The following KIF24 variants were observed in gnomAD, a reference collection of about 807,000 sequenced individuals.
KIF24 encodes the protein kinesin-like protein KIF24.
A neutral mutation model predicts 118.9 loss-of-function variants in KIF24; 81 were observed. That is an observed-to-expected ratio of 0.68 (90% CI 0.57 to 0.82). The LOEUF (loss-of-function observed/expected upper bound fraction) is 0.82, where lower values mean the gene tolerates loss of function less well. KIF24 is among the 40% of genes least tolerant of loss of function. The probability of loss-of-function intolerance (pLI) is 0.00; values close to 1 mark genes in which losing one functional copy is unlikely to be tolerated. For missense variants in KIF24, 1,560 were observed against 1,661.6 expected (o/e 0.94, Z 1.06); for synonymous variants, 599 against 610.0 (o/e 0.98, Z 0.27).
At chr9:34,279,022 T>C (rs1357272091) in intron 6 of KIF24, among the ~76,000 whole-genome samples, 1 of 152,154 alleles carries the variant, frequency 6.6e-6, no homozygotes, top group Admixed American at 6.5e-5. Flanking sequence ...GAGGATCGCT[T>C]GAGCCCAGAA....
At chr9:34,271,757 G>A (rs1835517159) in intron 7 of KIF24, 52 bp downstream of exon 7, 1 of 1,596,780 alleles carries the variant, frequency 6.3e-7, no homozygotes, top group Non-Finnish European at 8.6e-7. Flanking sequence ...ATACTTCAAA[G>A]TCACATTAAA....
At chr9:34,281,121 G>A (rs534202263) in intron 6 of KIF24, among the ~76,000 whole-genome samples, 1 of 152,248 alleles carries the variant, frequency 6.6e-6, no homozygotes, top group Non-Finnish European at 1.5e-5. Context: ...TGCCTTCCGG[G>A]CTCAAGCAAT....
At position 34,318,293 on chromosome 9, in the gene KIF24, G is replaced by A. The variant is rs542417948; in HGVS notation, c.-25-6922C>T. ...CTATAGAAGAGTAGAATCGTGTCGCGGCTCGAGAGCGAGACTCCCGTCTTG... is the reference window on the plus strand; with the variant it reads ...CTATAGAAGAGTAGAATCGTGTCGCAGCTCGAGAGCGAGACTCCCGTCTTG... On this transcript the variant is annotated intron_variant, in intron 1 of 12. Coordinates refer to ENST00000402558, the MANE Select transcript of KIF24 (RefSeq NM_194313.4). This position sits in a 1 kb window ranked among gnomAD's most constrained non-coding sequence, Gnocchi z 4.9. 469 of 553,450 alleles carry A rather than the reference G, an allele frequency of 8.5e-4. 2 individuals are homozygous for A. The highest frequency in any genetic ancestry group is 7.2e-3 in the African/African-American group (378 of 52,686). 34.3% of individuals were successfully genotyped at this position (553,450 alleles called of 1,614,324 possible). A position where few individuals can be genotyped will look rare whatever the true frequency, so the allele number is the denominator to read the frequency against.
chr9:34,324,327 G>C (rs372170763), intron 1 of KIF24, among the ~76,000 whole-genome samples: 1 of 152,092 alleles, frequency 6.6e-6, no homozygotes, highest in Non-Finnish European at 1.5e-5. Context: ...TCTTTGGAAG[G>C]GGGGTGAAAA....
chr9:34,283,520 T>G (rs1335078131), intron 6 of KIF24, among the ~76,000 whole-genome samples: 1 of 152,078 alleles, frequency 6.6e-6, no homozygotes, highest in South Asian at 2.1e-4. Context: ...AAAATAATAA[T>G]AATACCCACA....
In KIF24 at chr9:34,256,853, G is replaced by A. The variant is rs1212987751; in HGVS notation, c.2754C>T (p.Asp918=). 6.2e-7 allele frequency: 1 copy of A among 1,613,984 alleles called. No homozygotes were observed. Among genetic ancestry groups the A allele is most frequent in the Non-Finnish European group, 8.5e-7 (1 of 1,179,898 alleles). ...AGGAAGTAGAGTTCTCTCTGCTCCA[G>A]TCCACGGGCCCCTTACTTGGGCTGC... ...HSCSPSKGPV[D]WSRENSTSSG... The change falls in exon 11 of 13, where the codon GAC becomes GAT. Residue 918 remains aspartate, a synonymous_variant. Coordinates refer to ENST00000402558, the MANE Select transcript of KIF24 (RefSeq NM_194313.4).
intron 1 of KIF24, among the ~76,000 whole-genome samples, chr9:34,323,341 G>C (rs1241791072): frequency 1.3e-5 from 2 of 152,164 alleles, no homozygotes; most frequent in Non-Finnish European, 2.9e-5. Context: ...GCCCCACAAA[G>C]AGTTTACTAC....
At chr9:34,280,602 A>G (rs959316708) in intron 6 of KIF24, among the ~76,000 whole-genome samples, 1 of 152,140 alleles carries the variant, frequency 6.6e-6, no homozygotes, top group African/African-American at 2.4e-5. Context: ...GAGAATGGTC[A>G]CAGCCCCAGG....
chr9:34,316,462 G>C (rs558395506), intron 1 of KIF24, among the ~76,000 whole-genome samples: 2 of 151,908 alleles, frequency 1.3e-5, no homozygotes, highest in African/African-American at 2.4e-5. Flanking sequence ...AATTCTTTAC[G>C]AGTCCCATCA....
chr9:34,317,986 AT>A (rs962044941), intron 1 of KIF24, among the ~76,000 whole-genome samples: 15 of 152,022 alleles, frequency 9.9e-5, no homozygotes, highest in East Asian at 1.9e-4. Context: ...TAAAATCTTA[AT>A]TTTTTTTAAT....
chr9:34,255,197 C>T, intron 11 of KIF24, 32 bp from the exon 12 acceptor site: 1 of 1,331,478 alleles, frequency 7.5e-7, no homozygotes, highest in East Asian at 2.5e-5. Flanking sequence ...CTGTGATCTT[C>T]CTGGCCTCCC....
chr9:34,310,838 G>A lies in KIF24; in HGVS notation c.509C>T (p.Ser170Leu). Residue 170 changes from serine to leucine, a missense_variant, in exon 2 of 13, where the codon TCA becomes TTA. Physicochemically the swap from Ser to Leu is moderately radical, Grantham distance 145 (BLOSUM62 -2). Transcript: ENST00000402558. ...AGAAAGGTAATTTGGTGAAAAGAGTGAAGTGCTGATTTCTGTTTGCACATA... is the reference window on the plus strand; with the variant it reads ...AGAAAGGTAATTTGGTGAAAAGAGTAAAGTGCTGATTTCTGTTTGCACATA... ...DSYVQTEIST[S>L]LFSPNYLSAI... The A allele has an allele frequency of 6.2e-7, 1 of 1,613,964 alleles. No individual in the cohort carries two copies. Among genetic ancestry groups the A allele is most frequent in the Middle Eastern group, 1.7e-4 (1 of 6,060 alleles).
intron 4 of KIF24, among the ~76,000 whole-genome samples, chr9:34,296,340 C>G (rs1222365829): frequency 6.7e-6 from 1 of 148,636 alleles, no homozygotes; most frequent in Non-Finnish European, 1.5e-5. Context: ...TCCTGGCTAA[C>G]ACGGTGAAAC....
At chr9:34,271,325 C>CAAAAAAAAAAAAAA (rs58895274) in intron 7 of KIF24, among the ~76,000 whole-genome samples, 1 of 107,354 alleles carries the variant, frequency 9.3e-6, no homozygotes, top group Non-Finnish European at 1.8e-5. Flanking sequence ...AGCAATCCAG[C>CAAAAAAAAAAAAAA]AAAAAAAAAA....
chr9:34,304,885 G>A (rs1836853921), intron 3 of KIF24, among the ~76,000 whole-genome samples: 1 of 152,180 alleles, frequency 6.6e-6, no homozygotes, highest in Admixed American at 6.5e-5. Context: ...TGAATTGCTA[G>A]CATACCAGAT....
chr9:34,259,809 C>A, intron 9 of KIF24, 104 bp from the exon 10 acceptor site: 3 of 696,232 alleles, frequency 4.3e-6, no homozygotes, highest in Admixed American at 2.4e-5. Context: ...CTTCTGTCCA[C>A]AAAAAGGTAA....
rs1235404852 is a variant in KIF24 at position 34,256,317 on chromosome 9, C to A, written c.3290G>T (p.Gly1097Val). 1 of 1,613,226 alleles carries A rather than the reference C, an allele frequency of 6.2e-7. No individual in the cohort carries two copies. Among genetic ancestry groups the A allele is most frequent in the East Asian group, 2.2e-5 (1 of 44,876 alleles). Residue 1097 changes from glycine (G) to valine (V), a missense_variant, in exon 11 of 13, where the codon GGT (glycine) becomes GTT (valine). Gly to Val is a moderately radical substitution (Grantham distance 109). This residue lies in a region of KIF24 where 591 missense variants were observed against 655.6 expected (regional missense o/e 0.90). Transcript: ENST00000402558. Reference sequence around the variant, plus strand: ...CACTGGCAAGGCTGCCTCTTGATCACCAGATGGCACTGTGTGGCTCACAAC... The same window carrying A: ...CACTGGCAAGGCTGCCTCTTGATCAACAGATGGCACTGTGTGGCTCACAAC... ...GPVVSHTVPS[G>V]DQEAALPVSS...
chr9:34,319,132 C>G, intron 1 of KIF24: 1 of 1,541,398 alleles, frequency 6.5e-7, no homozygotes, highest in Non-Finnish European at 9.0e-7. Flanking sequence ...CAGGCCTCTA[C>G]AACTACTATG....
At chr9:34,281,944 C>G (rs187598265) in intron 6 of KIF24, among the ~76,000 whole-genome samples, 1 of 152,132 alleles carries the variant, frequency 6.6e-6, no homozygotes, top group Non-Finnish European at 1.5e-5. Flanking sequence ...CCTCATACTG[C>G]TGGTGGGAGT....
Sources: allele counts gnomAD v4.1 joint callset (sites outside exome capture counted in the v4.1 genomes callset), GRCh38; gene constraint gnomAD v4.1.1; regional missense constraint gnomAD v4.1.1; non-coding constraint Gnocchi (gnomAD v3.1); transcripts MANE v1.5; gene names NCBI Gene and HGNC (gene_info 2026-07-23, HGNC 2026-07-21).